Variants in CFTR observed in about 807,000 individuals in gnomAD.
CFTR encodes CF transmembrane conductance regulator, also known as cystic fibrosis transmembrane conductance regulator.
CFTR carries 181 observed loss-of-function variants against 171.6 expected under a neutral mutation model. The observed-to-expected ratio is 1.05, with a 90% CI of 0.93 to 1.19. The LOEUF is 1.19. Ranked by LOEUF, CFTR falls within the 50% of genes most tolerant of loss-of-function variation. The probability of loss-of-function intolerance (pLI) is 0.00; values close to 1 mark genes in which losing one functional copy is unlikely to be tolerated. For synonymous variants in CFTR, 583 were observed against 608.0 expected (o/e 0.96, Z 0.60); for missense variants, 1,968 against 1,734.7 (o/e 1.13, Z -2.39).
chr7:117,633,542 A>G (rs1792782907), intron 22 of CFTR, among the ~76,000 whole-genome samples: 1 of 152,008 alleles, frequency 6.6e-6, no homozygotes, highest in Admixed American at 6.5e-5. Context: ...TGTTGAAAGT[A>G]GTGGTGAGAG....
chr7:117,536,762 A>G (rs975368309), intron 7 of CFTR, 89 bp downstream of exon 7: 25 of 1,095,644 alleles, frequency 2.3e-5, no homozygotes, highest in Non-Finnish European at 3.1e-5. Context: ...TCCACCTCAT[A>G]TTTGATGTTT....
At chr7:117,665,399 G>C in intron 25 of CFTR, 60 bp from the exon 26 acceptor site, 3 of 968,508 alleles carry the variant, frequency 3.1e-6, no homozygotes, top group Non-Finnish European at 5.0e-6. Context: ...ATATTATCAA[G>C]GTAAATACAG....
In CFTR at chr7:117,596,759, C is replaced by T. The variant is rs538455133; in HGVS notation, c.2619+1701C>T. 2.0e-5 allele frequency among the ~76,000 whole-genome samples: 3 copies of T among 152,066 alleles called. No individual in the cohort carries two copies. The South Asian group carries it at 6.2e-4, about 32-fold the overall frequency. On this transcript the variant is annotated intron_variant, in intron 15 of 26. Transcript: ENST00000003084. ...TTAATCTGGTGGAGACTTGGAGAAC[C>T]TTTATGTCTAGCTAAGGGATTGTAA...
intron 12 of CFTR, among the ~76,000 whole-genome samples, chr7:117,588,493 G>A (rs1041689279): frequency 6.6e-6 from 1 of 152,062 alleles, no homozygotes; most frequent in South Asian, 2.1e-4. Context: ...GATGTCAAAT[G>A]TTTCTCAAGC....
intron 11 of CFTR, chr7:117,560,784 T>C (rs1799451519): frequency 6.6e-6 from 1 of 152,130 alleles, no homozygotes; most frequent in Non-Finnish European, 1.5e-5. Flanking sequence ...AGGAATAGTA[T>C]TTCATAACCT....
chr7:117,509,877 G>A (rs1392854153), intron 3 of CFTR, among the ~76,000 whole-genome samples: 1 of 152,112 alleles, frequency 6.6e-6, no homozygotes. Context: ...TGTTAAAGCT[G>A]TGCACAATAT....
At chr7:117,632,095 G>A (rs1240051420) in intron 22 of CFTR, among the ~76,000 whole-genome samples, 2 of 152,160 alleles carry the variant, frequency 1.3e-5, no homozygotes, top group Non-Finnish European at 2.9e-5. Context: ...TTCTCAAAGT[G>A]TGGTCCTTGA....
chr7:117,665,731 TTGATC>T (rs1298293857), intron 26 of CFTR, among the ~76,000 whole-genome samples, 167 bp downstream of exon 26: 2 of 152,252 alleles, frequency 1.3e-5, no homozygotes, highest in African/African-American at 2.4e-5. Flanking sequence ...GTTTTTCACT[TTGATC>T]TGAGCCATGT....
At chr7:117,647,285 T>A (rs1488734624) in intron 23 of CFTR, 2 of 151,804 alleles carry the variant, frequency 1.3e-5, no homozygotes, top group Non-Finnish European at 2.9e-5. Context: ...AGTCCATCCT[T>A]TCATTGCTAT....
At chr7:117,611,227 A>T (rs956030598) in intron 19 of CFTR, among the ~76,000 whole-genome samples, 2 of 152,120 alleles carry the variant, frequency 1.3e-5, no homozygotes, top group African/African-American at 4.8e-5. Flanking sequence ...AGTCACATAA[A>T]CTTCCTTAAT....
chr7:117,542,578 A>G (rs1228579432), intron 9 of CFTR, among the ~76,000 whole-genome samples: 1 of 152,078 alleles, frequency 6.6e-6, no homozygotes, highest in Non-Finnish European at 1.5e-5. Context: ...TAAAAATAAA[A>G]AGAAGTGGAG....
At chr7:117,617,757 G>A (rs1792516477) in intron 21 of CFTR, among the ~76,000 whole-genome samples, 1 of 151,880 alleles carries the variant, frequency 6.6e-6, no homozygotes, top group Non-Finnish European at 1.5e-5. Flanking sequence ...TTTCTCATTA[G>A]CATAAAAATA....
At chr7:117,603,835 T>G (rs1176283830) in intron 17 of CFTR, 53 bp downstream of exon 17, 2 of 1,601,426 alleles carry the variant, frequency 1.2e-6, no homozygotes, top group Non-Finnish European at 1.7e-6. Context: ...CAATAGGGCC[T>G]GTGGTTTTGT....
At chr7:117,550,843 T>C (rs1427611316) in intron 10 of CFTR, among the ~76,000 whole-genome samples, 1 of 152,174 alleles carries the variant, frequency 6.6e-6, no homozygotes, top group Non-Finnish European at 1.5e-5. Flanking sequence ...AGTGGTCCCT[T>C]GGGAATATTT....
chr7:117,544,505 C>A (rs1378788115), intron 9 of CFTR, among the ~76,000 whole-genome samples: 1 of 152,194 alleles, frequency 6.6e-6, no homozygotes, highest in African/African-American at 2.4e-5. Flanking sequence ...TTTCCAACTT[C>A]TCTCTTCACC....
At chr7:117,494,966 C>T (rs953928364) in intron 1 of CFTR, among the ~76,000 whole-genome samples, 2 of 152,170 alleles carry the variant, frequency 1.3e-5, no homozygotes, top group East Asian at 3.9e-4. Flanking sequence ...TTGACAGTTG[C>T]ACAAGTTTCT....
intron 13 of CFTR, 60 bp from the exon 14 acceptor site, chr7:117,591,874 G>A (rs1792029604): frequency 1.9e-5 from 20 of 1,057,014 alleles, no homozygotes; most frequent in South Asian, 1.3e-4. Context: ...GCTAAAATAC[G>A]AGACATATTG....
In CFTR at chr7:117,668,055, G is replaced by A. The variant is rs1793415908; in HGVS notation, c.*947G>A. 1 of 152,220 alleles carries A rather than the reference G, an allele frequency of 6.6e-6. No individual in the cohort carries two copies. The highest frequency in any genetic ancestry group is 2.4e-5 in the African/African-American group (1 of 41,442). The allele number at this position is 152,220 out of a possible 1,614,324, so 9.4% of individuals were successfully genotyped here. On this transcript the variant is annotated 3_prime_UTR_variant, in exon 27 of 27. Transcript: ENST00000003084. ...ATGGGCACTGTGGGTAGACACACAT[G>A]AAGTCCAAGCATTTAGATGTATAGG...
At chr7:117,625,060 A>G (rs1400157983) in intron 21 of CFTR, among the ~76,000 whole-genome samples, 2 of 152,160 alleles carry the variant, frequency 1.3e-5, no homozygotes, top group Non-Finnish European at 2.9e-5. Context: ...TGGCTGCACA[A>G]CTGACCATGG....
Sources: gnomAD v4.1 joint callset for allele counts (sites outside exome capture counted in the v4.1 genomes callset) on GRCh38, gnomAD v4.1.1 for gene constraint, MANE v1.5 for transcripts, NCBI Gene and HGNC (gene_info 2026-07-23, HGNC 2026-07-21) for gene names.